FAM131B: variants seen among roughly 807,000 people sequenced by gnomAD.
FAM131B encodes the protein family with sequence similarity 131 member B, also known as protein FAM131B.
A neutral mutation model predicts 42.0 loss-of-function variants in FAM131B; 19 were observed. The observed-to-expected ratio is 0.45, with a 90% CI of 0.32 to 0.66. The LOEUF (loss-of-function observed/expected upper bound fraction) is 0.66. Among genes scored for constraint, FAM131B ranks in the 30% least tolerant of loss-of-function variants. FAM131B has a pLI of 0.05. For synonymous variants in FAM131B, 183 were observed against 177.6 expected, an observed-to-expected ratio of 1.03 and a Z score of -0.24; for missense variants, 370 against 468.4, an observed-to-expected ratio of 0.79 and a Z score of 1.94.
At position 143,355,198 on chromosome 7, in the gene FAM131B, CT is replaced by C. The variant is rs1803597539; in HGVS notation, c.*1351del. 6.6e-6 allele frequency: 1 copy of C among 152,574 alleles called. No homozygotes were observed. The highest frequency in any genetic ancestry group is 6.5e-5 in the Admixed American group (1 of 15,296). 9.5% of individuals were successfully genotyped at this position (152,574 alleles called of 1,614,324 possible). On this transcript the variant is annotated 3_prime_UTR_variant, in exon 7 of 7. Coordinates refer to ENST00000443739, the MANE Select transcript of FAM131B (RefSeq NM_001031690.3). The surrounding 1 kb of genome is among the most constrained non-coding windows in gnomAD (Gnocchi z 4.1). ...GCTCTCCAACCCCACAGCACCGCTGCTTTGCTCCGCCCATCCTCTGCCTGTG... is the reference window on the plus strand; with the variant it reads ...GCTCTCCAACCCCACAGCACCGCTGCTTGCTCCGCCCATCCTCTGCCTGTG...
At chr7:143,362,816 C>G (rs1464848446), upstream of FAM131B, 1 of 157,540 alleles carries the variant, frequency 6.3e-6, no homozygotes, top group South Asian at 1.8e-4. The surrounding 1 kb of genome is among the most constrained non-coding windows in gnomAD (Gnocchi z 7.7). Context: ...CGCCCCGGCT[C>G]GGCTCGCCGC....
chr7:143,368,918 T>C, the FAM131B span, among the ~76,000 whole-genome samples: 1 of 152,234 alleles, frequency 6.6e-6, no homozygotes, highest in Non-Finnish European at 1.5e-5. Flanking sequence ...ATAATGTGTT[T>C]AATACATAGT....
At chr7:143,357,777 G>A (rs1013794128) in intron 5 of FAM131B, among the ~76,000 whole-genome samples, 4 of 152,134 alleles carry the variant, frequency 2.6e-5, no homozygotes, top group Non-Finnish European at 5.9e-5. Context: ...CACATTTCAA[G>A]TTCTCAATAA....
At chr7:143,363,295 C>G (rs1804084152), upstream of FAM131B, among the ~76,000 whole-genome samples, 1 of 152,124 alleles carries the variant, frequency 6.6e-6, no homozygotes, top group African/African-American at 2.4e-5. Flanking sequence ...GTCCACTTCT[C>G]TGTGCTCGCT....
At chr7:143,357,248 C>A in intron 6 of FAM131B, 32 bp downstream of exon 6, 1 of 1,609,282 alleles carries the variant, frequency 6.2e-7, no homozygotes, top group South Asian at 1.1e-5. Context: ...GCCTCATAGG[C>A]TCCAGAGTTT....
the FAM131B span, among the ~76,000 whole-genome samples, chr7:143,372,395 A>G: frequency 1.2e-4 from 18 of 152,330 alleles, no homozygotes; most frequent in Admixed American, 3.9e-4. Flanking sequence ...GTGAATGGCA[A>G]GTTCCAGTGG....
chr7:143,355,843 C>T lies in FAM131B; in HGVS notation c.*707G>A, dbSNP rs1204777783. 1 of 152,396 alleles carries T rather than the reference C, an allele frequency of 6.6e-6. No homozygotes were observed. The highest frequency in any genetic ancestry group is 2.4e-5 in the African/African-American group (1 of 41,464). 9.4% of individuals were successfully genotyped at this position (152,396 alleles called of 1,614,324 possible). ...CCCAGAGCAAGGGGCTGTGTTTGTT[C>T]TTAGTCTCCTCAGTGACTCTCTTGT... On this transcript the variant is annotated 3_prime_UTR_variant, in exon 7 of 7. Coordinates refer to ENST00000443739, the MANE Select transcript of FAM131B (RefSeq NM_001031690.3). The surrounding 1 kb of genome is among the most constrained non-coding windows in gnomAD (Gnocchi z 4.1).
the FAM131B span, chr7:143,381,194 C>G: frequency 3.0e-6 from 3 of 994,772 alleles, no homozygotes; most frequent in Non-Finnish European, 2.4e-6. Flanking sequence ...AGTTTCCTGC[C>G]TGGTCCGCCC....
chr7:143,356,898 T>C lies in FAM131B; in HGVS notation c.735A>G (p.Thr245=). 1 of 1,614,160 alleles carries C rather than the reference T, an allele frequency of 6.2e-7. No homozygotes were observed. Among genetic ancestry groups the C allele is most frequent in the Non-Finnish European group, 8.5e-7 (1 of 1,180,026 alleles). ...SDQSLIASPA[T]GSYLGPAFDD... is the part of the protein sequence containing the mutation. Reference sequence around the variant, plus strand: ...CAAATGCAGGCCCAAGATAGGATCCTGTGGCCGGAGAGGCAATGAGGGACT... The same window carrying C: ...CAAATGCAGGCCCAAGATAGGATCCCGTGGCCGGAGAGGCAATGAGGGACT... Residue 245 remains threonine (T), a synonymous_variant, in exon 7 of 7, where the codon ACA becomes ACG. Transcript: ENST00000443739. The surrounding 1 kb of genome is among the most constrained non-coding windows in gnomAD (Gnocchi z 4.4).
chr7:143,380,264 AC>A, the FAM131B span: 3 of 983,626 alleles, frequency 3.0e-6, no homozygotes, highest in Non-Finnish European at 3.6e-6. The surrounding 1 kb of genome is among the most constrained non-coding windows in gnomAD (Gnocchi z 5.0). Flanking sequence ...TAGAAGAATT[AC>A]CCAGGTCTGG....
intron 1 of FAM131B, chr7:143,360,410 G>A: frequency 7.5e-7 from 1 of 1,330,094 alleles, no homozygotes; most frequent in Non-Finnish European, 9.6e-7. Flanking sequence ...CAGAGGTTGG[G>A]TTTTATCAGA....
Position 143,358,764 on chromosome 7 carries a change from G to C in FAM131B, c.466+63C>G. 1 of 1,347,752 alleles carries C rather than the reference G, an allele frequency of 7.4e-7. No individual in the cohort carries two copies. Among genetic ancestry groups the C allele is most frequent in the Non-Finnish European group, 1.1e-6 (1 of 951,608 alleles). 83.5% of individuals were successfully genotyped at this position (1,347,752 alleles called of 1,614,324 possible). A position where few individuals can be genotyped will look rare whatever the true frequency, so the allele number is the denominator to read the frequency against. ...AGCTAATCCTGCCACAGGGGATCAG[G>C]TTGGAGGGTCGGTCCCTGGCCATCC... On this transcript the variant is annotated intron_variant, in intron 5 of 6. Coordinates refer to ENST00000443739, the MANE Select transcript of FAM131B (RefSeq NM_001031690.3). This position sits in a 1 kb window ranked among gnomAD's most constrained non-coding sequence, Gnocchi z 4.7.
Position 143,356,872 on chromosome 7 carries a change from T to C in FAM131B, c.761A>G (p.Asp254Gly). The change falls in exon 7 of 7, where the codon GAT (aspartate) becomes GGT (glycine). Residue 254 changes from aspartate to glycine, a missense_variant. By Grantham distance (94) the Asp-to-Gly change is moderately conservative. Coordinates refer to ENST00000443739, the MANE Select transcript of FAM131B (RefSeq NM_001031690.3). The surrounding 1 kb of genome is among the most constrained non-coding windows in gnomAD (Gnocchi z 4.4). The stretch of plus-strand genomic sequence containing the variant: ...TTCATGCAAGCTGGGTTGTGAGTCA[T>C]CAAATGCAGGCCCAAGATAGGATCC... ...ATGSYLGPAF[D>G]DSQPSLHEMG... The C allele has an allele frequency of 6.2e-7, 1 of 1,614,062 alleles. No homozygotes were observed. The highest frequency in any genetic ancestry group is 1.1e-5 in the South Asian group (1 of 91,074).
At chr7:143,382,170 G>A in the FAM131B span, 2 of 1,244,036 alleles carry the variant, frequency 1.6e-6, no homozygotes, top group African/African-American at 1.5e-5. Flanking sequence ...TGGGTTAGGG[G>A]TTAGAGCGGT....
chr7:143,370,686 C>A, the FAM131B span, among the ~76,000 whole-genome samples: 1 of 152,116 alleles, frequency 6.6e-6, no homozygotes, highest in Non-Finnish European at 1.5e-5. Flanking sequence ...GAATAACCTA[C>A]CCCTTGTTTA....
chr7:143,356,267 C>T lies in FAM131B; in HGVS notation c.*283G>A, dbSNP rs902665978. On this transcript the variant is annotated 3_prime_UTR_variant, in exon 7 of 7. Coordinates refer to ENST00000443739, the MANE Select transcript of FAM131B (RefSeq NM_001031690.3). This position sits in a 1 kb window ranked among gnomAD's most constrained non-coding sequence, Gnocchi z 4.4. ...AGGGTGCACACACTGGAGGCTTTGTCGGCACAGACCCAGAAGCCCACAGCC... is the reference window on the plus strand; with the variant it reads ...AGGGTGCACACACTGGAGGCTTTGTTGGCACAGACCCAGAAGCCCACAGCC... 46 of 451,284 alleles carry T rather than the reference C, an allele frequency of 1.0e-4. No individual in the cohort carries two copies. The highest frequency in any genetic ancestry group is 2.9e-4 in the Admixed American group (8 of 27,288). The allele number at this position is 451,284 out of a possible 1,614,324, so 28.0% of individuals were successfully genotyped here.
chr7:143,367,480 G>A (rs1804207107), upstream of FAM131B, among the ~76,000 whole-genome samples: 1 of 152,190 alleles, frequency 6.6e-6, no homozygotes, highest in African/African-American at 2.4e-5. Context: ...ACCAAGGCGG[G>A]CAGATCATGA....
chr7:143,381,019 G>C, the FAM131B span: 1 of 273,350 alleles, frequency 3.7e-6, no homozygotes, highest in Non-Finnish European at 5.6e-6. Flanking sequence ...CGCGGGTCGG[G>C]CGGGGAGGGG....
At chr7:143,367,073 T>TCG (rs1804197008), upstream of FAM131B, among the ~76,000 whole-genome samples, 1 of 152,178 alleles carries the variant, frequency 6.6e-6, no homozygotes, top group African/African-American at 2.4e-5. Flanking sequence ...GTCCTAGTGG[T>TCG]CGATATAGTT....
Sources: gnomAD v4.1 joint callset for allele counts (sites outside exome capture counted in the v4.1 genomes callset) on GRCh38, gnomAD v4.1.1 for gene constraint, Gnocchi (gnomAD v3.1) non-coding constraint, MANE v1.5 for transcripts, NCBI Gene and HGNC (gene_info 2026-07-23, HGNC 2026-07-21) for gene names.